The following ZFR variants were observed in gnomAD, a reference collection of about 807,000 sequenced individuals.
ZFR encodes zinc finger RNA-binding protein.
In ZFR, 19 loss-of-function variants were observed where a neutral mutation model predicts 130.7. That is an observed-to-expected ratio of 0.15 (90% confidence interval 0.10 to 0.21). The LOEUF (loss-of-function observed/expected upper bound fraction) is 0.21. ZFR is among the 10% of genes least tolerant of loss of function. The probability of loss-of-function intolerance (pLI) is 1.00; values close to 1 mark genes in which losing one functional copy is unlikely to be tolerated. For missense variants in ZFR, 872 were observed against 1,321.5 expected (o/e 0.66, Z 5.27); for synonymous variants, 466 against 456.9 (o/e 1.02, Z -0.25).
At chr5:32,412,577 C>T (rs956359703) in intron 5 of ZFR, among the ~76,000 whole-genome samples, 1 of 152,328 alleles carries the variant, frequency 6.6e-6, no homozygotes, top group Admixed American at 6.5e-5. Context: ...TTTTGGACAA[C>T]TGGACAAATT....
At chr5:32,383,910 A>G (rs1752984155) in intron 15 of ZFR, 1 of 392,860 alleles carries the variant, frequency 2.5e-6, no homozygotes, top group Non-Finnish European at 5.2e-6. Flanking sequence ...AAATCTTTCC[A>G]TTTTGGACTG....
intron 12 of ZFR, among the ~76,000 whole-genome samples, chr5:32,389,373 G>T (rs1328808090): frequency 6.6e-6 from 1 of 152,154 alleles, no homozygotes; most frequent in East Asian, 1.9e-4. Context: ...TATAGACACT[G>T]GGTCTCACCA....
At chr5:32,364,097 A>G (rs1220521083) in intron 18 of ZFR, 52 bp from the exon 19 acceptor site, 1 of 1,599,692 alleles carries the variant, frequency 6.3e-7, no homozygotes, top group African/African-American at 1.3e-5. Context: ...CCACTTATAA[A>G]AAAAATTATT....
intron 17 of ZFR, among the ~76,000 whole-genome samples, chr5:32,370,834 A>T (rs1009254195): frequency 1.3e-5 from 2 of 152,244 alleles, no homozygotes; most frequent in African/African-American, 4.8e-5. Flanking sequence ...ATGACAGAAG[A>T]ACAACTAATT....
At chr5:32,400,245 A>G (rs1753419348) in intron 8 of ZFR, 42 bp from the exon 9 acceptor site, 7 of 1,418,314 alleles carry the variant, frequency 4.9e-6, no homozygotes, top group Non-Finnish European at 6.5e-6. Flanking sequence ...TTATTTTTGT[A>G]TAAATATATA....
rs1425553439 is a variant in ZFR at position 32,406,927 on chromosome 5, T to A, written c.879A>T (p.Ala293=). 6 of 1,597,796 alleles carry A rather than the reference T, an allele frequency of 3.8e-6. No homozygotes were observed. Among genetic ancestry groups the A allele is most frequent in the African/African-American group, 1.4e-5 (1 of 73,658 alleles). The part of the protein sequence containing the change: ...QQQQQKQAAA[A]AAAAAATAAW... ...CAGCTGTTGCAGCAGCAGCAGCAGC[T>A]GCTGCTGCTGCCTGCTTCTGTTGCT... Residue 293 remains alanine, a synonymous_variant, in exon 6 of 20, where the codon GCA becomes GCT. Coordinates refer to ENST00000265069, the MANE Select transcript of ZFR (RefSeq NM_016107.5).
intron 13 of ZFR, 63 bp downstream of exon 13, chr5:32,388,406 A>G: frequency 6.8e-7 from 1 of 1,470,930 alleles, no homozygotes; most frequent in East Asian, 2.3e-5. Context: ...CTATATTTCA[A>G]ATGTAAGAAG....
chr5:32,420,574 T>C (rs1416492680), intron 2 of ZFR, among the ~76,000 whole-genome samples: 2 of 152,244 alleles, frequency 1.3e-5, no homozygotes, highest in East Asian at 3.8e-4. Context: ...TAGAAACTAC[T>C]GACCAGCTGA....
chr5:32,402,435 T>C (rs1028668760), intron 8 of ZFR, among the ~76,000 whole-genome samples: 2 of 152,004 alleles, frequency 1.3e-5, no homozygotes, highest in East Asian at 1.9e-4. Flanking sequence ...AGAAACACTA[T>C]AGCAGACTGA....
chr5:32,403,266 G>A lies in ZFR; in HGVS notation c.1356C>T (p.Asn452=). ...PTASPSSIAA[N]NCTVNTSSVA... is the part of the protein sequence containing the mutation. ...CTGATGACGTATTCACAGTACAATTGTTTGCTGCAATGCTTGAAGGAGAGG... is the reference window on the plus strand; with the variant it reads ...CTGATGACGTATTCACAGTACAATTATTTGCTGCAATGCTTGAAGGAGAGG... The change falls in exon 8 of 20, where the codon AAC becomes AAT. Residue 452 remains asparagine (N), a synonymous_variant. Coordinates refer to ENST00000265069, the MANE Select transcript of ZFR (RefSeq NM_016107.5). The A allele has an allele frequency of 1.2e-6, 2 of 1,614,134 alleles. No homozygotes were observed. Among genetic ancestry groups the A allele is most frequent in the Non-Finnish European group, 1.7e-6 (2 of 1,180,018 alleles).
chr5:32,437,149 G>A (rs1358064898), intron 2 of ZFR, among the ~76,000 whole-genome samples: 2 of 152,042 alleles, frequency 1.3e-5, no homozygotes, highest in African/African-American at 4.8e-5. Context: ...TTGATTTTCA[G>A]AATGAAAGAA....
At chr5:32,361,785 G>A (rs1304787406) in intron 19 of ZFR, among the ~76,000 whole-genome samples, 1 of 151,842 alleles carries the variant, frequency 6.6e-6, no homozygotes, top group African/African-American at 2.4e-5. Flanking sequence ...ACCACGCCCG[G>A]CTAATTCTTT....
Position 32,406,835 on chromosome 5 carries a change from G to A in ZFR, c.971C>T (p.Pro324Leu). 6.2e-7 allele frequency: 1 copy of A among 1,614,076 alleles called. No homozygotes were observed. Among genetic ancestry groups the A allele is most frequent in the Non-Finnish European group, 8.5e-7 (1 of 1,180,012 alleles). The change falls in exon 6 of 20, where the codon CCT (proline) becomes CTT (leucine). Residue 324 changes from proline (P) to leucine (L), a missense_variant. Physicochemically the swap from Pro to Leu is moderately conservative, Grantham distance 98 (BLOSUM62 -3). Around this residue, in one of 7 missense-constraint regions of ZFR, gnomAD observed 240 missense variants for 441.2 expected, o/e 0.54. Coordinates refer to ENST00000265069, the MANE Select transcript of ZFR (RefSeq NM_016107.5). The stretch of plus-strand genomic sequence containing the variant: ...ATAGTGAATCTGTGGTGGTTTGGGA[G>A]GCTGTTTTGGTTTCAGTTGTTTATT... ...FQNKQLKPKQ[P>L]PKPPQIHYCD...
chr5:32,366,881 A>ATTT (rs70961624), intron 17 of ZFR, among the ~76,000 whole-genome samples: 8 of 142,388 alleles, frequency 5.6e-5, no homozygotes, highest in South Asian at 2.3e-4. Context: ...AGATTTTTTA[A>ATTT]TTTTTTTTTT....
intron 17 of ZFR, among the ~76,000 whole-genome samples, chr5:32,365,754 C>T (rs113063012): frequency 0.019 from 2,847 of 151,684 alleles, 85 homozygotes; most frequent in African/African-American, 0.066. Context: ...GGACAACAGG[C>T]GCAGCCACCA....
intron 2 of ZFR, among the ~76,000 whole-genome samples, chr5:32,443,313 TAC>T (rs2111885360): frequency 6.6e-6 from 1 of 152,348 alleles, no homozygotes; most frequent in East Asian, 1.9e-4. Flanking sequence ...TATAATGAAC[TAC>T]AGACTTCAGA....
At chr5:32,415,950 A>G (rs1038232611) in intron 4 of ZFR, among the ~76,000 whole-genome samples, 3 of 147,022 alleles carry the variant, frequency 2.0e-5, no homozygotes, top group African/African-American at 7.7e-5. Context: ...CAGTTAAGTA[A>G]AAGTACATTA....
chr5:32,440,643 T>C (rs1754449085), intron 2 of ZFR, among the ~76,000 whole-genome samples: 1 of 148,616 alleles, frequency 6.7e-6, no homozygotes, highest in Non-Finnish European at 1.5e-5. Context: ...GGAGACTCTG[T>C]CTCAAAAACA....
intron 5 of ZFR, among the ~76,000 whole-genome samples, chr5:32,413,107 TA>T (rs1295375120): frequency 2.0e-5 from 3 of 151,872 alleles, no homozygotes; most frequent in Non-Finnish European, 4.4e-5. Flanking sequence ...GAGAATCGCT[TA>T]AACCCAAGAG....
Sources: allele counts gnomAD v4.1 joint callset (sites outside exome capture counted in the v4.1 genomes callset), GRCh38; gene constraint gnomAD v4.1.1; regional missense constraint gnomAD v4.1.1; transcripts MANE v1.5; gene names NCBI Gene and HGNC (gene_info 2026-07-23, HGNC 2026-07-21).